The following COMMD10 variants were observed in gnomAD, a reference collection of about 807,000 sequenced individuals.
The protein encoded by COMMD10 is COMM domain containing 10, also known as COMM domain-containing protein 10.
A neutral mutation model predicts 28.9 loss-of-function variants in COMMD10; 33 were observed. The observed-to-expected ratio is 1.14, with a 90% CI of 0.87 to 1.53. COMMD10 has a LOEUF of 1.53. Ranked by LOEUF, COMMD10 falls within the 40% of genes most tolerant of loss-of-function variation. COMMD10 has a pLI of 0.00. For missense variants in COMMD10, 310 were observed against 233.4 expected, an observed-to-expected ratio of 1.33 and a Z score of -2.14; for synonymous variants, 110 against 81.7, an observed-to-expected ratio of 1.35 and a Z score of -1.87.
intron 5 of COMMD10, among the ~76,000 whole-genome samples, chr5:116,149,784 A>C (rs1162979437): frequency 3.6e-5 from 5 of 140,742 alleles, no homozygotes; most frequent in Middle Eastern, 3.6e-3. Context: ...AGGTTGCGAA[A>C]ATTTTCTCCC....
intron 5 of COMMD10, among the ~76,000 whole-genome samples, chr5:116,242,463 T>C (rs762390328): frequency 6.6e-6 from 1 of 152,268 alleles, no homozygotes; most frequent in South Asian, 2.1e-4. Context: ...TCAGCAACCC[T>C]GAGGGTTTGA....
At chr5:116,103,904 G>T (rs1168303489) in intron 4 of COMMD10, among the ~76,000 whole-genome samples, 1 of 152,164 alleles carries the variant, frequency 6.6e-6, no homozygotes, top group Non-Finnish European at 1.5e-5. Context: ...ATTACATAGG[G>T]AATCCCTTCC....
intron 1 of COMMD10, among the ~76,000 whole-genome samples, chr5:116,087,131 A>G (rs1441236033): frequency 1.3e-5 from 2 of 152,232 alleles, no homozygotes; most frequent in East Asian, 3.8e-4. Context: ...TGTAATTGCC[A>G]TAATTGCTAT....
At position 116,134,166 on chromosome 5, in the gene COMMD10, T is replaced by A. The variant is rs373245497; in HGVS notation, c.498T>A (p.Asn166Lys). 8.8e-6 allele frequency: 14 copies of A among 1,594,162 alleles called. No homozygotes were observed. In the African/African-American group the frequency reaches 1.9e-4, roughly 21 times the overall value. Reference protein sequence around the residue: ...PQAVLQLGVNNEDSKSLEKVL... With the variant: ...PQAVLQLGVNKEDSKSLEKVL... The stretch of plus-strand genomic sequence containing the variant: ...CTGTGTTACAACTCGGAGTGAACAA[T>A]GAAGATTCAAAGGTAAGAAATGGTA... The change falls in exon 5 of 7, where the codon AAT (asparagine) becomes AAA (lysine). Residue 166 changes from asparagine to lysine, a missense_variant. By Grantham distance (94) the Asn-to-Lys change is moderately conservative. Coordinates refer to ENST00000274458, the MANE Select transcript of COMMD10 (RefSeq NM_016144.4).
At chr5:116,279,051 A>G (rs1054537337) in intron 5 of COMMD10, among the ~76,000 whole-genome samples, 2 of 151,870 alleles carry the variant, frequency 1.3e-5, no homozygotes, top group South Asian at 2.1e-4. Context: ...GCTAAATGAA[A>G]TCACTGGTGT....
intron 5 of COMMD10, among the ~76,000 whole-genome samples, chr5:116,143,242 G>A (rs1485113275): frequency 1.3e-5 from 2 of 151,472 alleles, no homozygotes; most frequent in African/African-American, 4.8e-5. Context: ...AGGCTGTCAA[G>A]TGGAAAGTCT....
At chr5:116,158,945 C>T (rs1203680881) in intron 5 of COMMD10, among the ~76,000 whole-genome samples, 1 of 150,954 alleles carries the variant, frequency 6.6e-6, no homozygotes, top group Non-Finnish European at 1.5e-5. Context: ...TCAGTCTTGT[C>T]ACAGGGACTA....
At chr5:116,096,987 T>G (rs912416070) in intron 4 of COMMD10, among the ~76,000 whole-genome samples, 2 of 152,140 alleles carry the variant, frequency 1.3e-5, no homozygotes, top group Non-Finnish European at 2.9e-5. Flanking sequence ...GTTTTTTTCC[T>G]TGCACTTTAG....
At chr5:116,112,848 T>C (rs1158694858) in intron 4 of COMMD10, among the ~76,000 whole-genome samples, 2 of 152,238 alleles carry the variant, frequency 1.3e-5, no homozygotes, top group Non-Finnish European at 2.9e-5. Flanking sequence ...TGTCTAAATT[T>C]ATGGTTTGTT....
intron 5 of COMMD10, among the ~76,000 whole-genome samples, chr5:116,264,621 GAC>G (rs1408137438): frequency 6.6e-6 from 1 of 151,898 alleles, no homozygotes; most frequent in African/African-American, 2.4e-5. Flanking sequence ...TTACATAACA[GAC>G]ACAGCACTGT....
intron 4 of COMMD10, among the ~76,000 whole-genome samples, chr5:116,115,872 C>T (rs1751217312): frequency 6.6e-6 from 1 of 152,080 alleles, no homozygotes; most frequent in Admixed American, 6.5e-5. Flanking sequence ...ATATTTTAAG[C>T]ACTTCTGAGT....
chr5:116,151,971 C>T (rs1580494165), intron 5 of COMMD10, among the ~76,000 whole-genome samples: 1 of 152,110 alleles, frequency 6.6e-6, no homozygotes, highest in African/African-American at 2.4e-5. Context: ...TTTGATCTTT[C>T]CTGCTTTCTC....
chr5:116,242,151 C>G (rs1005728027), intron 5 of COMMD10, among the ~76,000 whole-genome samples: 4 of 152,068 alleles, frequency 2.6e-5, no homozygotes, highest in Admixed American at 2.6e-4. Flanking sequence ...CACAGAGAGA[C>G]TCAATGATTA....
At chr5:116,220,405 T>C (rs1446267661) in intron 5 of COMMD10, among the ~76,000 whole-genome samples, 1 of 114,528 alleles carries the variant, frequency 8.7e-6, no homozygotes, top group Admixed American at 1.0e-4. Flanking sequence ...TGTTTATCTT[T>C]TCCCTGTAAT....
chr5:116,125,231 TC>T (rs1167125004), intron 4 of COMMD10, among the ~76,000 whole-genome samples: 1 of 152,190 alleles, frequency 6.6e-6, no homozygotes, highest in Admixed American at 6.5e-5. Context: ...CTTCAGGAGC[TC>T]TTGTAAGGCA....
intron 5 of COMMD10, among the ~76,000 whole-genome samples, chr5:116,281,217 T>C (rs1192391228): frequency 6.6e-6 from 1 of 151,734 alleles, no homozygotes; most frequent in Non-Finnish European, 1.5e-5. Context: ...TTGAAAAATG[T>C]ATATGTGTTC....
intron 5 of COMMD10, among the ~76,000 whole-genome samples, chr5:116,256,516 G>C (rs573721801): frequency 4.9e-4 from 74 of 151,736 alleles, no homozygotes; most frequent in Non-Finnish European, 9.4e-4. Context: ...TTGGATTTAT[G>C]TTTAAAGAAA....
intron 5 of COMMD10, among the ~76,000 whole-genome samples, chr5:116,190,906 T>A (rs747985813): frequency 6.6e-6 from 1 of 152,214 alleles, no homozygotes; most frequent in Non-Finnish European, 1.5e-5. Context: ...ATGTAAAATA[T>A]GTATTTTTAA....
At chr5:116,156,121 A>C (rs1345020131) in intron 5 of COMMD10, among the ~76,000 whole-genome samples, 1 of 152,048 alleles carries the variant, frequency 6.6e-6, no homozygotes, top group Non-Finnish European at 1.5e-5. Flanking sequence ...TCCTGCATTT[A>C]TGTACAAAAT....
Sources: allele counts gnomAD v4.1 joint callset (sites outside exome capture counted in the v4.1 genomes callset), GRCh38; gene constraint gnomAD v4.1.1; transcripts MANE v1.5; gene names NCBI Gene and HGNC (gene_info 2026-07-23, HGNC 2026-07-21).